LMBR1: variants seen among roughly 807,000 people sequenced by gnomAD.
LMBR1 encodes the protein limb region 1 protein homolog.
A neutral mutation model predicts 73.9 loss-of-function variants in LMBR1; 52 were observed. The ratio of observed to expected loss-of-function variants is 0.70; its 90% CI spans 0.56 to 0.89. LMBR1 has a LOEUF of 0.89. LMBR1 is among the 40% of genes least tolerant of loss of function. The probability of loss-of-function intolerance (pLI) is 0.00; values close to 1 mark genes in which losing one functional copy is unlikely to be tolerated. For synonymous variants in LMBR1, 215 were observed against 209.4 expected, an observed-to-expected ratio of 1.03 and a Z score of -0.23; for missense variants, 539 against 579.8, an observed-to-expected ratio of 0.93 and a Z score of 0.72.
intron 15 of LMBR1, among the ~76,000 whole-genome samples, chr7:156,713,238 G>C (rs1812466298): frequency 6.6e-6 from 1 of 152,048 alleles, no homozygotes; most frequent in South Asian, 2.1e-4. Context: ...GGGTGAGAGA[G>C]AGAGAGAGGG....
intron 9 of LMBR1, among the ~76,000 whole-genome samples, chr7:156,755,968 C>T (rs75259065): frequency 0.015 from 2,302 of 152,090 alleles, 45 homozygotes; most frequent in African/African-American, 0.049. Flanking sequence ...ATCTTGTTGG[C>T]GGGAGACTGG....
chr7:156,769,035 T>G (rs1824683026), intron 5 of LMBR1, among the ~76,000 whole-genome samples: 1 of 152,194 alleles, frequency 6.6e-6, no homozygotes, highest in African/African-American at 2.4e-5. Flanking sequence ...CTGTTTATAT[T>G]GGGCCAAAGG....
chr7:156,798,073 G>A (rs548938854), intron 4 of LMBR1, among the ~76,000 whole-genome samples: 21 of 152,166 alleles, frequency 1.4e-4, no homozygotes, highest in African/African-American at 4.1e-4. Context: ...CATACAGAAC[G>A]ATGGCTGCAT....
intron 4 of LMBR1, among the ~76,000 whole-genome samples, chr7:156,818,190 G>GT (rs1422382490): frequency 6.6e-6 from 1 of 152,088 alleles, no homozygotes; most frequent in African/African-American, 2.4e-5. Context: ...TAAAAGTCTG[G>GT]TTTTTTGGAT....
intron 15 of LMBR1, among the ~76,000 whole-genome samples, chr7:156,696,167 T>C (rs1475311833): frequency 1.3e-5 from 2 of 152,160 alleles, no homozygotes; most frequent in Non-Finnish European, 2.9e-5. Flanking sequence ...ATTTAGTAGA[T>C]TATGACATCA....
chr7:156,696,479 G>A (rs915246270), intron 15 of LMBR1, among the ~76,000 whole-genome samples: 3 of 152,146 alleles, frequency 2.0e-5, no homozygotes, highest in Non-Finnish European at 4.4e-5. Flanking sequence ...AGACATACCC[G>A]AGACTGGGAA....
chr7:156,860,454 C>T (rs554311461), intron 1 of LMBR1, among the ~76,000 whole-genome samples: 10 of 152,266 alleles, frequency 6.6e-5, no homozygotes, highest in African/African-American at 1.7e-4. Context: ...GTGGGAGCTA[C>T]AATTCAAGAT....
intron 1 of LMBR1, among the ~76,000 whole-genome samples, chr7:156,879,441 G>A (rs929556256): frequency 6.6e-6 from 1 of 152,182 alleles, no homozygotes; most frequent in African/African-American, 2.4e-5. Context: ...GAGGCGAGCA[G>A]ATCCCGAGGT....
rs34487923 is a variant in LMBR1, at chr7:156,709,896, A to ATTTTTTTTTTTTTTTTTTTTTTTTT, written c.1225+14191_1225+14215dup. Among the ~76,000 whole-genome samples, 3 of 90,356 alleles carry ATTTTTTTTTTTTTTTTTTTTTTTTT rather than the reference A, an allele frequency of 3.3e-5. 1 individual carries two copies. Among genetic ancestry groups the ATTTTTTTTTTTTTTTTTTTTTTTTT allele is most frequent in the African/African-American group, 1.4e-4 (3 of 20,910 alleles). 59.3% of individuals were successfully genotyped at this position (90,356 alleles called of 152,430 possible). ...GCCAGTTAAAGAATTCAGAAGGTTGATTTTTTTTTTTTTTTTTTTTTTTTT... is the reference window on the plus strand; with the variant it reads ...GCCAGTTAAAGAATTCAGAAGGTTGATTTTTTTTTTTTTTTTTTTTTTTTTTTTTTTTTTTTTTTTTTTTTTTTTT... On this transcript the variant is annotated intron_variant, in intron 15 of 16. Transcript: ENST00000353442.
chr7:156,708,931 A>C (rs1276922466), intron 15 of LMBR1, among the ~76,000 whole-genome samples: 1 of 152,090 alleles, frequency 6.6e-6, no homozygotes, highest in African/African-American at 2.4e-5. Context: ...ATAACACAGC[A>C]CAGGTGGCCA....
chr7:156,703,873 A>G (rs1810331110), intron 15 of LMBR1, among the ~76,000 whole-genome samples: 1 of 152,188 alleles, frequency 6.6e-6, no homozygotes. Context: ...TCCCATGGAA[A>G]AGAGGCTGGG....
At chr7:156,730,681 G>A (rs1816675575) in intron 10 of LMBR1, among the ~76,000 whole-genome samples, 1 of 152,212 alleles carries the variant, frequency 6.6e-6, no homozygotes, top group Non-Finnish European at 1.5e-5. Flanking sequence ...GCTCACGCCT[G>A]TAATCCCAGG....
chr7:156,699,794 T>G, intron 15 of LMBR1, among the ~76,000 whole-genome samples: 1 of 151,974 alleles, frequency 6.6e-6, no homozygotes. Context: ...AAAAAACACA[T>G]GAAAAAATGC....
chr7:156,710,777 T>G (rs1047627619), intron 15 of LMBR1, among the ~76,000 whole-genome samples: 2 of 152,152 alleles, frequency 1.3e-5, no homozygotes, highest in African/African-American at 4.8e-5. Context: ...AACAAAAGCA[T>G]CAGGTAATCT....
chr7:156,839,384 A>G (rs1838241290), intron 1 of LMBR1, among the ~76,000 whole-genome samples: 1 of 152,080 alleles, frequency 6.6e-6, no homozygotes, highest in African/African-American at 2.4e-5. Context: ...TTTAATTTCA[A>G]TTGAATTTCT....
chr7:156,690,420 C>A (rs1242832045), intron 15 of LMBR1, among the ~76,000 whole-genome samples: 1 of 152,162 alleles, frequency 6.6e-6, no homozygotes, highest in Non-Finnish European at 1.5e-5. Flanking sequence ...TCCTACCAGC[C>A]CTGTACATGG....
At chr7:156,796,333 GAATGATATTT>G in intron 5 of LMBR1, 46 bp downstream of exon 5, 1 of 1,136,776 alleles carries the variant, frequency 8.8e-7, no homozygotes, top group Admixed American at 2.6e-5. Flanking sequence ...AGTTCAATGT[GAATGATATTT>G]AATTCCTCAC....
At chr7:156,758,120 G>A (rs1049339732) in intron 8 of LMBR1, among the ~76,000 whole-genome samples, 1 of 152,200 alleles carries the variant, frequency 6.6e-6, no homozygotes, top group African/African-American at 2.4e-5. Flanking sequence ...GCAAGTGCTG[G>A]AATGTGAGCT....
At chr7:156,828,177 T>C (rs1836031983) in intron 3 of LMBR1, among the ~76,000 whole-genome samples, 1 of 152,186 alleles carries the variant, frequency 6.6e-6, no homozygotes, top group Non-Finnish European at 1.5e-5. Context: ...TCCAGGCTCT[T>C]CTCTCACTAT....
Sources: allele counts gnomAD v4.1 joint callset (sites outside exome capture counted in the v4.1 genomes callset), GRCh38; gene constraint gnomAD v4.1.1; transcripts MANE v1.5; gene names NCBI Gene and HGNC (gene_info 2026-07-23, HGNC 2026-07-21).